Variants in POLG2 observed in about 807,000 individuals in gnomAD.
POLG2 encodes DNA polymerase subunit gamma-2.
Under a neutral mutation model 56.5 loss-of-function variants are expected in POLG2, and 50 were observed. The ratio of observed to expected loss-of-function variants is 0.88; its 90% CI spans 0.71 to 1.12. POLG2 has a LOEUF of 1.12. Among genes scored for constraint, POLG2 ranks in the 50% most tolerant of loss-of-function variants. POLG2 has a pLI of 0.00. For missense variants in POLG2, 584 were observed against 583.3 expected (o/e 1.00, Z -0.01); for synonymous variants, 226 against 222.6 (o/e 1.02, Z -0.14).
intron 1 of POLG2, among the ~76,000 whole-genome samples, chr17:64,494,382 A>G (rs1173597454): frequency 6.6e-6 from 1 of 152,122 alleles, no homozygotes; most frequent in African/African-American, 2.4e-5. Context: ...TGGTTAAGGT[A>G]GTAAATATCC....
In POLG2 at chr17:64,497,005, T is replaced by C; in HGVS notation, c.-37A>G. The C allele has an allele frequency of 1.9e-6, 3 of 1,572,722 alleles. No homozygotes were observed. The highest frequency in any genetic ancestry group is 2.6e-6 in the Non-Finnish European group (3 of 1,155,094). On this transcript the variant is annotated 5_prime_UTR_variant, in exon 1 of 8. Transcript: ENST00000539111. ...GTTAAAGAGCACACTCTCCCATCAC[T>C]CAACGGATCCCAACAAGCCACCACT...
chr17:64,481,375 T>C, intron 6 of POLG2: 1 of 985,366 alleles, frequency 1.0e-6, no homozygotes, highest in Non-Finnish European at 1.2e-6. Context: ...TTTAAATCTT[T>C]TTAGTGTCCG....
Position 64,496,754 on chromosome 17 carries a change from A to ATC in POLG2, c.213_214dup (p.Ile72ArgfsTer9). ...ACTTAGGAAATGCCTTCTCTGACAG[A>ATC]TCTCTAACAGCGCCTCGCTTCCCTC... On this transcript the variant is annotated frameshift_variant, in exon 1 of 8. Transcript: ENST00000539111. LOFTEE classifies it high-confidence loss of function. 1 of 1,613,656 alleles carries ATC rather than the reference A, an allele frequency of 6.2e-7. No homozygotes were observed. The highest frequency in any genetic ancestry group is 8.5e-7 in the Non-Finnish European group (1 of 1,179,952).
chr17:64,480,144 C>A (rs2037832452), intron 7 of POLG2, 145 bp downstream of exon 7: 2 of 251,842 alleles, frequency 7.9e-6, no homozygotes, highest in Non-Finnish European at 1.5e-5. Context: ...TAACTAAATG[C>A]ACATAGTTCT....
At chr17:64,494,495 T>C (rs537198571) in intron 1 of POLG2, among the ~76,000 whole-genome samples, 1 of 152,200 alleles carries the variant, frequency 6.6e-6, no homozygotes, top group Non-Finnish European at 1.5e-5. Flanking sequence ...TGCAATATCA[T>C]GAAATGGTGA....
chr17:64,477,799 T>C lies in POLG2; in HGVS notation c.*24A>G. 2.6e-6 allele frequency: 4 copies of C among 1,541,546 alleles called. No individual in the cohort carries two copies. The highest frequency in any genetic ancestry group is 1.2e-5 in the South Asian group (1 of 80,318). On this transcript the variant is annotated 3_prime_UTR_variant, in exon 8 of 8. Transcript: ENST00000539111. ...AGACAACCAAATTAGGAGAGAAGAA[T>C]ATTTATTATACAAATATAAAAATCT...
Position 64,496,561 on chromosome 17 carries a change from G to A in POLG2, c.408C>T (p.Gly136=). 4 of 1,613,864 alleles carry A rather than the reference G, an allele frequency of 2.5e-6. No homozygotes were observed. Among genetic ancestry groups the A allele is most frequent in the Non-Finnish European group, 3.4e-6 (4 of 1,179,850 alleles). ...AGGCACTGTCCCCGGGTAGCAAAGG[G>A]CCTGGTTTGTGGTGGAGGGCGTCCA... is the stretch of plus-strand genomic sequence containing the variant. The part of the protein sequence containing the change: ...FPVDALHHKP[G]PLLPGDSAFR... The change falls in exon 1 of 8, where the codon GGC becomes GGT. Residue 136 remains glycine (G), a synonymous_variant. Coordinates refer to ENST00000539111, the MANE Select transcript of POLG2 (RefSeq NM_007215.4).
chr17:64,477,877 T>C lies in POLG2; in HGVS notation c.1404A>G (p.Ile468Met). ...RDTTMKEMMH[I>M]SKLKDFLIKY... ...TAATCAAAAAGTCTTTTAATTTGGA[T>C]ATATGCATCATTTCCTTCATTGTGG... Residue 468 changes from isoleucine (I) to methionine (M), a missense_variant, in exon 8 of 8, where the codon ATA becomes ATG. Ile to Met is a conservative substitution (Grantham distance 10). Coordinates refer to ENST00000539111, the MANE Select transcript of POLG2 (RefSeq NM_007215.4). 1 of 1,613,120 alleles carries C rather than the reference T, an allele frequency of 6.2e-7. No homozygotes were observed. Among genetic ancestry groups the C allele is most frequent in the Non-Finnish European group, 8.5e-7 (1 of 1,179,686 alleles).
chr17:64,482,635 CA>C (rs1428765283), intron 6 of POLG2, among the ~76,000 whole-genome samples: 6 of 152,224 alleles, frequency 3.9e-5, no homozygotes, highest in African/African-American at 1.4e-4. Flanking sequence ...TTTTAAAAAG[CA>C]AATGAATCAA....
intron 4 of POLG2, among the ~76,000 whole-genome samples, chr17:64,487,854 A>C (rs1009631981): frequency 4.6e-5 from 7 of 151,924 alleles, no homozygotes; most frequent in Non-Finnish European, 7.4e-5. Flanking sequence ...ACAAACAAAA[A>C]AGATTGTTTA....
At chr17:64,491,737 AC>A (rs1273170683) in intron 3 of POLG2, 59 of 801,538 alleles carry the variant, frequency 7.4e-5, no homozygotes, top group Non-Finnish European at 1.2e-4. Context: ...CTCTTCATCT[AC>A]TGCCTTTCCT....
chr17:64,495,596 ATATT>A (rs1555669364), intron 1 of POLG2, among the ~76,000 whole-genome samples: 1 of 152,216 alleles, frequency 6.6e-6, no homozygotes, highest in Admixed American at 6.5e-5. Context: ...TTACCAATTC[ATATT>A]TAATTTACCA....
intron 4 of POLG2, among the ~76,000 whole-genome samples, chr17:64,489,331 C>A (rs2038015268): frequency 7.1e-6 from 1 of 140,960 alleles, no homozygotes; most frequent in African/African-American, 2.7e-5. Context: ...ACCAGTAAAT[C>A]TAGAAGGAAT....
chr17:64,485,313 G>C (rs1488259211), intron 5 of POLG2: 5 of 189,456 alleles, frequency 2.6e-5, no homozygotes, highest in Non-Finnish European at 4.4e-5. Context: ...CTCTGATCCA[G>C]GAACCAGCCA....
At position 64,490,891 on chromosome 17, in the gene POLG2, T is replaced by A. The variant is rs1555668351; in HGVS notation, c.874A>T (p.Asn292Tyr). 1 of 1,613,816 alleles carries A rather than the reference T, an allele frequency of 6.2e-7. No individual in the cohort carries two copies. The highest frequency in any genetic ancestry group is 8.5e-7 in the Non-Finnish European group (1 of 1,179,718). Residue 292 changes from asparagine to tyrosine, a missense_variant, in exon 4 of 8, where the codon AAT (asparagine) becomes TAT (tyrosine). Transcript: ENST00000539111. ...ATTAACTCCTTTCCCCAGGGAAAAT[T>A]GTAGTAAAGTTTGTTTCCTTTCCGG... ...EGRKGNKLYY[N>Y]FPWGKELIET...
Position 64,490,927 on chromosome 17 carries a change from C to T in POLG2, c.838G>A (p.Asp280Asn). Residue 280 changes from aspartate to asparagine, a missense_variant, in exon 4 of 8, where the codon GAT becomes AAT. Asp to Asn is a conservative substitution (Grantham distance 23, BLOSUM62 1). Coordinates refer to ENST00000539111, the MANE Select transcript of POLG2 (RefSeq NM_007215.4). ...TTGTTTCCTTTCCGGCCTTCTTCAT[C>T]CTGACAGTCACTGCTGCTGAAGTTA... ...PSNFSSSDCQ[D>N]EEGRKGNKLY... The T allele has an allele frequency of 6.2e-7, 1 of 1,614,028 alleles. No individual in the cohort carries two copies. The highest frequency in any genetic ancestry group is 8.5e-7 in the Non-Finnish European group (1 of 1,179,926).
Position 64,479,973 on chromosome 17 carries a change from C to T in POLG2, c.1292+316G>A, listed in dbSNP as rs180976616. On this transcript the variant is annotated intron_variant, in intron 7 of 7. Transcript: ENST00000539111. ...TGCCAGCAAAGAAAGGCATTCCACT[C>T]ATATTCCTTCAGTCTTGATTCAACA... is the stretch of plus-strand genomic sequence containing the variant. Among the ~76,000 whole-genome samples the T allele has an allele frequency of 4.2e-4, 64 of 152,336 alleles. 2 individuals carry two copies. The highest frequency in any genetic ancestry group is 4.1e-3 in the Admixed American group (63 of 15,304).
intron 6 of POLG2, among the ~76,000 whole-genome samples, 159 bp from the exon 7 acceptor site, chr17:64,480,548 C>G (rs1402776779): frequency 2.0e-5 from 3 of 152,208 alleles, no homozygotes; most frequent in African/African-American, 7.2e-5. Flanking sequence ...ATATCATATA[C>G]TTTATAAATC....
In POLG2 at chr17:64,477,956, A is replaced by G. The variant is rs1555665800; in HGVS notation, c.1325T>C (p.Leu442Ser). The G allele has an allele frequency of 6.2e-7, 1 of 1,613,874 alleles. No individual in the cohort carries two copies. Reference protein sequence around the residue: ...YDEMSILFTVLVTETTLENGL... With the variant: ...YDEMSILFTVSVTETTLENGL... ...ATTCTCCAAAGTAGTTTCAGTAACCAAAACTGTGAAGAGAATACTCATTTC... is the reference window on the plus strand; with the variant it reads ...ATTCTCCAAAGTAGTTTCAGTAACCGAAACTGTGAAGAGAATACTCATTTC... The change falls in exon 8 of 8, where the codon TTG (leucine) becomes TCG (serine). Residue 442 changes from leucine to serine, a missense_variant. By Grantham distance (145) the Leu-to-Ser change is moderately radical (BLOSUM62 -2). Coordinates refer to ENST00000539111, the MANE Select transcript of POLG2 (RefSeq NM_007215.4).
Sources: gnomAD v4.1 joint callset for allele counts (sites outside exome capture counted in the v4.1 genomes callset) on GRCh38, gnomAD v4.1.1 for gene constraint, MANE v1.5 for transcripts, NCBI Gene and HGNC (gene_info 2026-07-23, HGNC 2026-07-21) for gene names.